Variants in APBB2 observed in about 807,000 individuals in gnomAD.
APBB2 encodes the protein Fe65-like 1.
APBB2 carries 38 observed loss-of-function variants against 82.5 expected under a neutral mutation model. The observed-to-expected ratio is 0.46, with a 90% CI of 0.36 to 0.60. The LOEUF is 0.60. Among genes scored for constraint, APBB2 ranks in the 20% least tolerant of loss-of-function variants. The probability of loss-of-function intolerance (pLI) is 0.00; values close to 1 mark genes in which losing one functional copy is unlikely to be tolerated. For missense variants in APBB2, 772 were observed against 972.3 expected (o/e 0.79, Z 2.74); for synonymous variants, 341 against 368.2 (o/e 0.93, Z 0.85).
chr4:40,946,132 G>A (rs1050441485), intron 6 of APBB2, among the ~76,000 whole-genome samples: 3 of 151,586 alleles, frequency 2.0e-5, no homozygotes, highest in Admixed American at 6.6e-5. Flanking sequence ...CTCGGGAGGT[G>A]GAGGCAGGAG....
intron 3 of APBB2, among the ~76,000 whole-genome samples, chr4:41,080,190 C>T (rs537042765): frequency 6.6e-6 from 1 of 152,284 alleles, no homozygotes; most frequent in African/African-American, 2.4e-5. Context: ...ATCAATATTG[C>T]TGAAAAGCTA....
intron 10 of APBB2, among the ~76,000 whole-genome samples, chr4:40,899,728 G>T (rs552850025): frequency 6.6e-6 from 1 of 152,158 alleles, no homozygotes; most frequent in Non-Finnish European, 1.5e-5. Flanking sequence ...CTTTTCTCCT[G>T]CTGAATTTCT....
intron 7 of APBB2, among the ~76,000 whole-genome samples, chr4:40,941,989 A>T (rs1309045690): frequency 6.6e-6 from 1 of 152,064 alleles, no homozygotes; most frequent in Non-Finnish European, 1.5e-5. Context: ...TGGACTGTAA[A>T]TATTTGATTT....
At chr4:41,134,260 G>C (rs772164884) in intron 2 of APBB2, among the ~76,000 whole-genome samples, 2 of 152,056 alleles carry the variant, frequency 1.3e-5, no homozygotes, top group Non-Finnish European at 2.9e-5. Flanking sequence ...GGGATTACAG[G>C]TGTGAGCCAT....
intron 1 of APBB2, among the ~76,000 whole-genome samples, chr4:41,165,987 C>T (rs1015877889): frequency 2.0e-4 from 30 of 151,550 alleles, no homozygotes; most frequent in Non-Finnish European, 4.3e-4. Context: ...CATTCTCCTG[C>T]CTCAGCCTCC....
chr4:41,174,874 G>T (rs1260204784), intron 1 of APBB2, among the ~76,000 whole-genome samples: 4 of 152,136 alleles, frequency 2.6e-5, no homozygotes, highest in African/African-American at 4.8e-5. Flanking sequence ...GTTGGAACTG[G>T]CTACTGAAGA....
At chr4:41,166,702 CCTGACCAACATGGTG>C (rs1180338977) in intron 1 of APBB2, among the ~76,000 whole-genome samples, 1 of 152,088 alleles carries the variant, frequency 6.6e-6, no homozygotes, top group Non-Finnish European at 1.5e-5. Flanking sequence ...TTGAGACCAG[CCTGACCAACATGGTG>C]AAACCCTGTC....
At chr4:40,925,793 G>A (rs1782470096) in intron 10 of APBB2, among the ~76,000 whole-genome samples, 1 of 152,188 alleles carries the variant, frequency 6.6e-6, no homozygotes, top group African/African-American at 2.4e-5. Flanking sequence ...TGCTAATCTA[G>A]TCAGTAGCTG....
At chr4:41,084,646 T>C (rs1339663067) in intron 3 of APBB2, 1 of 152,164 alleles carries the variant, frequency 6.6e-6, no homozygotes, top group Non-Finnish European at 1.5e-5. Flanking sequence ...ATCAGAATAA[T>C]ACAGAGAAGA....
intron 12 of APBB2, among the ~76,000 whole-genome samples, chr4:40,862,995 T>C (rs1015804720): frequency 1.3e-5 from 2 of 152,112 alleles, no homozygotes; most frequent in Admixed American, 6.6e-5. Flanking sequence ...GGGCTGTACA[T>C]TGAGGATTCA....
chr4:41,076,684 A>G (rs572248997), intron 3 of APBB2, among the ~76,000 whole-genome samples: 1 of 152,340 alleles, frequency 6.6e-6, no homozygotes, highest in South Asian at 2.1e-4. Context: ...GTGCCTCCTC[A>G]TGAATAAAGA....
intron 1 of APBB2, chr4:41,207,831 A>T (rs959844516): frequency 1.3e-5 from 2 of 152,160 alleles, no homozygotes; most frequent in African/African-American, 4.8e-5. Context: ...AGATTCCCAG[A>T]CTTACCAATT....
At chr4:41,096,326 T>C (rs1743442061) in intron 3 of APBB2, among the ~76,000 whole-genome samples, 1 of 152,208 alleles carries the variant, frequency 6.6e-6, no homozygotes, top group African/African-American at 2.4e-5. Context: ...CAAGTTACTT[T>C]TCCCCCGAGT....
At chr4:40,946,333 G>A (rs1033249496) in intron 6 of APBB2, among the ~76,000 whole-genome samples, 15 of 151,078 alleles carry the variant, frequency 9.9e-5, no homozygotes, top group Non-Finnish European at 1.9e-4. Context: ...GGCCAGTGAT[G>A]TAAACATGTG....
chr4:41,021,149 AC>A (rs1190799407), intron 5 of APBB2, among the ~76,000 whole-genome samples: 1 of 152,068 alleles, frequency 6.6e-6, no homozygotes, highest in African/African-American at 2.4e-5. Flanking sequence ...TACAAATGGA[AC>A]CCCAAATGAG....
chr4:41,006,558 G>C (rs1806801573), intron 6 of APBB2, among the ~76,000 whole-genome samples: 1 of 151,980 alleles, frequency 6.6e-6, no homozygotes, highest in South Asian at 2.1e-4. Flanking sequence ...CCACCTCCTG[G>C]GTTCAAGCGA....
intron 7 of APBB2, among the ~76,000 whole-genome samples, chr4:40,941,141 CT>C (rs151206804): frequency 0.37 from 54,513 of 146,818 alleles, 9,983 homozygotes; most frequent in Middle Eastern, 0.46. Context: ...TTATTTGATT[CT>C]TTTTTTTTTT....
intron 12 of APBB2, among the ~76,000 whole-genome samples, chr4:40,833,917 G>A (rs569593231): frequency 6.6e-6 from 1 of 152,162 alleles, no homozygotes; most frequent in Admixed American, 6.5e-5. Flanking sequence ...ATCGAACTTC[G>A]GCTTTGTGCC....
At chr4:40,990,701 G>A (rs902001189) in intron 6 of APBB2, among the ~76,000 whole-genome samples, 2 of 152,196 alleles carry the variant, frequency 1.3e-5, no homozygotes, top group Non-Finnish European at 2.9e-5. Context: ...CTGAGTCCAA[G>A]TGTGTCCATA....
Sources: allele counts gnomAD v4.1 joint callset (sites outside exome capture counted in the v4.1 genomes callset), GRCh38; gene constraint gnomAD v4.1.1; transcripts MANE v1.5; gene names NCBI Gene and HGNC (gene_info 2026-07-23, HGNC 2026-07-21).